The following FMN2 variants were observed in gnomAD, a reference collection of about 807,000 sequenced individuals.
FMN2 encodes formin-2.
In FMN2, 51 loss-of-function variants were observed where a neutral mutation model predicts 142.3. That is an observed-to-expected ratio of 0.36 (90% CI 0.29 to 0.45). The LOEUF is 0.45. FMN2 is among the 20% of genes least tolerant of loss of function. The pLI is 1.00. For synonymous variants in FMN2, 882 were observed against 869.8 expected (o/e 1.01, Z -0.25); for missense variants, 1,936 against 2,122.8 (o/e 0.91, Z 1.73).
At chr1:240,281,904 C>T (rs529540778) in intron 7 of FMN2, among the ~76,000 whole-genome samples, 1 of 152,222 alleles carries the variant, frequency 6.6e-6, no homozygotes, top group Non-Finnish European at 1.5e-5. Flanking sequence ...TGGGAATTAG[C>T]CCAGTTGTAT....
At chr1:240,398,441 A>T (rs1673863095) in intron 15 of FMN2, among the ~76,000 whole-genome samples, 1 of 152,254 alleles carries the variant, frequency 6.6e-6, no homozygotes, top group South Asian at 2.1e-4. Flanking sequence ...CAAAGGCCTG[A>T]AATTATAAAA....
chr1:240,281,376 C>A (rs1669391168), intron 7 of FMN2, among the ~76,000 whole-genome samples: 1 of 152,138 alleles, frequency 6.6e-6, no homozygotes, highest in African/African-American at 2.4e-5. Context: ...ATAAAAAATG[C>A]AGTTTTCTTC....
rs187054909 is a variant in FMN2 at position 240,177,100 on chromosome 1, A to G, written c.1783-821A>G. On this transcript the variant is annotated intron_variant, in intron 2 of 17. Coordinates refer to ENST00000319653, the MANE Select transcript of FMN2 (RefSeq NM_020066.5). Reference sequence around the variant, plus strand: ...GGATCAAAGGTATTAGGGAAATACAACCAGTTAAGAAAAATGTCACAAATA... The same window carrying G: ...GGATCAAAGGTATTAGGGAAATACAGCCAGTTAAGAAAAATGTCACAAATA... 2.6e-3 allele frequency among the ~76,000 whole-genome samples: 393 copies of G among 152,334 alleles called. 1 individual carries two copies. The highest frequency in any genetic ancestry group is 4.8e-3 in the Non-Finnish European group (326 of 68,032).
chr1:240,411,295 G>A (rs192434210), intron 15 of FMN2, among the ~76,000 whole-genome samples: 4 of 152,092 alleles, frequency 2.6e-5, no homozygotes, highest in South Asian at 2.1e-4. Flanking sequence ...ACATTCGGCC[G>A]GGCGCGGTGT....
chr1:240,463,789 G>T (rs1006379760), intron 16 of FMN2, among the ~76,000 whole-genome samples: 1 of 152,002 alleles, frequency 6.6e-6, no homozygotes, highest in Non-Finnish European at 1.5e-5. Flanking sequence ...GATCATCTGA[G>T]GCCAGGAGTT....
intron 7 of FMN2, chr1:240,285,192 G>A (rs1353294436): frequency 2.2e-6 from 1 of 455,134 alleles, no homozygotes; most frequent in Non-Finnish European, 4.4e-6. Context: ...GGTAGGGGTG[G>A]GTGTGGTGAG....
At chr1:240,128,323 G>A (rs780898448) in intron 2 of FMN2, among the ~76,000 whole-genome samples, 1 of 151,994 alleles carries the variant, frequency 6.6e-6, no homozygotes, top group Non-Finnish European at 1.5e-5. Flanking sequence ...TTACATAATT[G>A]TTGATTATTC....
chr1:240,361,834 A>G, intron 14 of FMN2, among the ~76,000 whole-genome samples: 1 of 152,224 alleles, frequency 6.6e-6, no homozygotes, highest in African/African-American at 2.4e-5. Context: ...AATTAGATCC[A>G]GGGATAGTAT....
At position 240,177,974 on chromosome 1, in the gene FMN2, C is replaced by T. The variant is rs1334618753; in HGVS notation, c.1836C>T (p.Asp612=). 4 of 1,611,732 alleles carry T rather than the reference C, an allele frequency of 2.5e-6. No homozygotes were observed. The highest frequency in any genetic ancestry group is 1.1e-5 in the South Asian group (1 of 90,582). Residue 612 remains aspartate (D), a synonymous_variant, in exon 3 of 18, where the codon GAC becomes GAT. Coordinates refer to ENST00000319653, the MANE Select transcript of FMN2 (RefSeq NM_020066.5). ...AAVSQPTHSL[D]YSEGQFPRRV... ...TTAGTCAACCCACACACTCATTGGA[C>T]TATTCAGAAGGGCAGTTTCCTAGGC...
Position 240,208,557 on chromosome 1 carries a change from G to A in FMN2, c.3745G>A (p.Val1249Ile). 2 of 1,613,454 alleles carry A rather than the reference G, an allele frequency of 1.2e-6. No individual in the cohort carries two copies. The highest frequency in any genetic ancestry group is 8.5e-7 in the Non-Finnish European group (1 of 1,179,924). ...ATCAGGCCCTCCACTCCTCCCACAA[G>A]TTGGGAGTAGCACTTTACCAACCCC... is the stretch of plus-strand genomic sequence containing the variant. ...PVSGPPLLPQ[V>I]GSSTLPTPQV... Residue 1249 changes from valine to isoleucine, a missense_variant, in exon 5 of 18, where the codon GTT becomes ATT. By Grantham distance (29) the Val-to-Ile change is conservative. Coordinates refer to ENST00000319653, the MANE Select transcript of FMN2 (RefSeq NM_020066.5).
intron 14 of FMN2, among the ~76,000 whole-genome samples, chr1:240,390,464 A>G (rs1053357454): frequency 1.3e-5 from 2 of 152,250 alleles, no homozygotes; most frequent in Non-Finnish European, 2.9e-5. Flanking sequence ...AGAAGTCATT[A>G]TGAACAAATG....
At chr1:240,471,356 G>A (rs1220618547) in intron 16 of FMN2, among the ~76,000 whole-genome samples, 2 of 148,134 alleles carry the variant, frequency 1.4e-5, no homozygotes, top group African/African-American at 4.9e-5. Context: ...AGCATGGCAT[G>A]TAAATTTTCT....
chr1:240,094,609 C>T (rs931253431), intron 1 of FMN2, among the ~76,000 whole-genome samples: 2 of 152,094 alleles, frequency 1.3e-5, no homozygotes, highest in African/African-American at 2.4e-5. Flanking sequence ...AAGGCCTTAC[C>T]TTAAGAGCCC....
At position 240,344,393 on chromosome 1, in the gene FMN2, T is replaced by A. The variant is rs552966683; in HGVS notation, c.4765+10164T>A. On this transcript the variant is annotated intron_variant, in intron 13 of 17. Transcript: ENST00000319653. ...TGTTTTGCTGTTTGAGATGTCTGCA[T>A]TTCTTTCCAGAAGCTTTGAAAGAAA... Among the ~76,000 whole-genome samples, 5 of 152,366 alleles carry A rather than the reference T, an allele frequency of 3.3e-5. No homozygotes were observed. The East Asian group carries it at 9.6e-4, about 29-fold the overall frequency.
At chr1:240,149,513 T>C (rs1348399115) in intron 2 of FMN2, among the ~76,000 whole-genome samples, 2 of 152,222 alleles carry the variant, frequency 1.3e-5, no homozygotes, top group Non-Finnish European at 2.9e-5. Flanking sequence ...CCATTTGCAC[T>C]GAAGAGAATA....
chr1:240,415,518 C>CT lies in FMN2; in HGVS notation c.4911-22540dup, dbSNP rs543284789. On this transcript the variant is annotated intron_variant, in intron 15 of 17. Transcript: ENST00000319653. ...CATGTTCTGCACATGTACCCCAGAA[C>CT]TTTAAGTATAATAAAAAAAAAAAAA... Among the ~76,000 whole-genome samples, 416 of 109,188 alleles carry CT rather than the reference C, an allele frequency of 3.8e-3. 1 individual carries two copies. The highest frequency in any genetic ancestry group is 0.014 in the African/African-American group (407 of 28,828). The allele number at this position is 109,188 out of a possible 152,430, so 71.6% of individuals were successfully genotyped here.
chr1:240,454,189 T>TTTC, intron 16 of FMN2, among the ~76,000 whole-genome samples: 1 of 151,936 alleles, frequency 6.6e-6, no homozygotes, highest in East Asian at 1.9e-4. Context: ...TCATGGCGTT[T>TTTC]TCTCTTTTTT....
chr1:240,349,125 A>G (rs1672011158), intron 13 of FMN2, among the ~76,000 whole-genome samples: 1 of 152,166 alleles, frequency 6.6e-6, no homozygotes, highest in Admixed American at 6.6e-5. Context: ...TTGTTCTGGG[A>G]GTCATTTTTG....
intron 7 of FMN2, among the ~76,000 whole-genome samples, chr1:240,272,622 C>T (rs1033983620): frequency 2.0e-5 from 3 of 152,108 alleles, no homozygotes; most frequent in African/African-American, 7.2e-5. Flanking sequence ...CAATAATTGA[C>T]ACTTTTCACC....
Sources: gnomAD v4.1 joint callset for allele counts (sites outside exome capture counted in the v4.1 genomes callset) on GRCh38, gnomAD v4.1.1 for gene constraint, MANE v1.5 for transcripts, NCBI Gene and HGNC (gene_info 2026-07-23, HGNC 2026-07-21) for gene names.